Variants in SMAD2 observed in about 807,000 individuals in gnomAD.
The protein encoded by SMAD2 is MAD homolog 2.
Under a neutral mutation model 64.4 loss-of-function variants are expected in SMAD2, and 8 were observed. The observed-to-expected ratio is 0.12, with a 90% CI of 0.07 to 0.22. The LOEUF (loss-of-function observed/expected upper bound fraction) is 0.22, where lower values mean the gene tolerates loss of function less well. Ranked by LOEUF, SMAD2 falls within the 10% of genes least tolerant of loss-of-function variation. The pLI is 1.00. For missense variants in SMAD2, 289 were observed against 561.2 expected (o/e 0.51, Z 4.90); for synonymous variants, 203 against 195.8 (o/e 1.04, Z -0.31).
At position 47,830,507 on chromosome 18, in the gene SMAD2, G is replaced by A. The variant is rs1912944827; in HGVS notation, c.*11320C>T. 1 of 150,500 alleles carries A rather than the reference G, an allele frequency of 6.6e-6. No individual in the cohort carries two copies. Among genetic ancestry groups the A allele is most frequent in the Non-Finnish European group, 1.5e-5 (1 of 67,744 alleles). The allele number at this position is 150,500 out of a possible 1,614,324, so 9.3% of individuals were successfully genotyped here. A position where few individuals can be genotyped will look rare whatever the true frequency, so the allele number is the denominator to read the frequency against. ...CAGGAGAATCACTTGAACCCAGGAGGCGAGGCTGCAGTGAGCCGAGATCGC... is the reference window on the plus strand; with the variant it reads ...CAGGAGAATCACTTGAACCCAGGAGACGAGGCTGCAGTGAGCCGAGATCGC... On this transcript the variant is annotated 3_prime_UTR_variant, in exon 11 of 11. Coordinates refer to ENST00000262160, the MANE Select transcript of SMAD2 (RefSeq NM_005901.6).
At chr18:47,930,751 TTCCGCCC>T (rs1385179243), upstream of SMAD2, 22 of 145,760 alleles carry the variant, frequency 1.5e-4, no homozygotes, top group African/African-American at 3.7e-4. Context: ...CCACCTCCGC[TTCCGCCC>T]TCCGCCCTCG....
intron 3 of SMAD2, 46 bp downstream of exon 3, chr18:47,870,429 C>T (rs774402416): frequency 1.0e-5 from 14 of 1,382,486 alleles, no homozygotes; most frequent in Non-Finnish European, 1.0e-5. Flanking sequence ...AAATATACCC[C>T]CCTCCCACAA....
chr18:47,858,180 AG>A (rs1310879320), intron 6 of SMAD2, among the ~76,000 whole-genome samples: 1 of 152,252 alleles, frequency 6.6e-6, no homozygotes, highest in Non-Finnish European at 1.5e-5. Flanking sequence ...CCCATAATCA[AG>A]AGATAAAACA....
chr18:47,893,641 C>T (rs1488479059), intron 2 of SMAD2, among the ~76,000 whole-genome samples: 8 of 152,172 alleles, frequency 5.3e-5, no homozygotes, highest in Non-Finnish European at 8.8e-5. Flanking sequence ...TTACACTCTA[C>T]ATATAAATGA....
intron 6 of SMAD2, among the ~76,000 whole-genome samples, chr18:47,857,179 T>C (rs2030777922): frequency 6.6e-6 from 1 of 152,214 alleles, no homozygotes; most frequent in Admixed American, 6.5e-5. Flanking sequence ...AAATGCTGTA[T>C]CATAATCTTA....
At position 47,831,915 on chromosome 18, in the gene SMAD2, C is replaced by T. The variant is rs575346927; in HGVS notation, c.*9912G>A. 2.3e-4 allele frequency: 23 copies of T among 100,120 alleles called. No homozygotes were observed. Among genetic ancestry groups the T allele is most frequent in the Non-Finnish European group, 4.2e-4 (20 of 47,712 alleles). The allele number at this position is 100,120 out of a possible 1,614,324, so 6.2% of individuals were successfully genotyped here. A position where few individuals can be genotyped will look rare whatever the true frequency, so the allele number is the denominator to read the frequency against. ...GTAAACTTATAATTTTTAGGTTGGG[C>T]TTACTATTTTGATGAGAAGGGTGAA... On this transcript the variant is annotated 3_prime_UTR_variant, in exon 11 of 11. Coordinates refer to ENST00000262160, the MANE Select transcript of SMAD2 (RefSeq NM_005901.6).
intron 2 of SMAD2, chr18:47,878,438 G>A (rs1487421192): frequency 6.6e-6 from 1 of 152,140 alleles, no homozygotes; most frequent in Non-Finnish European, 1.5e-5. Flanking sequence ...CAAACAGCCT[G>A]TGCAACAAAG....
At chr18:47,891,288 A>C (rs1242665027) in intron 2 of SMAD2, among the ~76,000 whole-genome samples, 4 of 152,210 alleles carry the variant, frequency 2.6e-5, no homozygotes, top group African/African-American at 9.7e-5. Flanking sequence ...CTGGGCAGTA[A>C]GAGCAAAACT....
chr18:47,914,730 A>T (rs2034270731), intron 1 of SMAD2, among the ~76,000 whole-genome samples: 1 of 152,222 alleles, frequency 6.6e-6, no homozygotes, highest in Admixed American at 6.5e-5. Context: ...CAATGTAAGA[A>T]AATATTAATT....
chr18:47,838,117 ATGTT>A lies in SMAD2; in HGVS notation c.*3706_*3709del, dbSNP rs375946894. On this transcript the variant is annotated 3_prime_UTR_variant, in exon 11 of 11. Coordinates refer to ENST00000262160, the MANE Select transcript of SMAD2 (RefSeq NM_005901.6). ...TTCAACTAGCAAGAGACTAAGACTGATGTTTGTTTGTTTGTTTTACCTTCAAAGT... is the reference window on the plus strand; with the variant it reads ...TTCAACTAGCAAGAGACTAAGACTGATGTTTGTTTGTTTTACCTTCAAAGT... The A allele has an allele frequency of 5.0e-3, 1,174 of 232,982 alleles. 3 individuals are homozygous for A. The highest frequency in any genetic ancestry group is 6.9e-3 in the Non-Finnish European group (813 of 117,626). The allele number at this position is 232,982 out of a possible 1,614,324, so 14.4% of individuals were successfully genotyped here. A position where few individuals can be genotyped will look rare whatever the true frequency, so the allele number is the denominator to read the frequency against.
chr18:47,869,530 TAAAGA>T (rs2031804493), intron 3 of SMAD2, 94 bp from the exon 4 acceptor site: 3 of 856,034 alleles, frequency 3.5e-6, no homozygotes, highest in Admixed American at 2.5e-5. Context: ...AATAAAAGCA[TAAAGA>T]AAAGAATGAC....
At chr18:47,896,369 G>A in intron 2 of SMAD2, 152 bp downstream of exon 2, 3 of 751,724 alleles carry the variant, frequency 4.0e-6, no homozygotes, top group South Asian at 1.7e-5. Flanking sequence ...TATAAAACAA[G>A]TCAGCTAGCA....
At chr18:47,918,204 G>A in intron 1 of SMAD2, among the ~76,000 whole-genome samples, 1 of 152,130 alleles carries the variant, frequency 6.6e-6, no homozygotes, top group Admixed American at 6.5e-5. Flanking sequence ...TCTGCAAAGG[G>A]GAAAACAAAA....
chr18:47,842,042 CAG>C, intron 10 of SMAD2, 92 bp from the exon 11 acceptor site: 1 of 1,398,864 alleles, frequency 7.1e-7, no homozygotes, highest in Middle Eastern at 2.1e-4. Context: ...TAAAAATTTA[CAG>C]AAATTAAAAG....
intron 2 of SMAD2, among the ~76,000 whole-genome samples, chr18:47,884,455 G>GC (rs2032778449): frequency 3.9e-5 from 6 of 151,988 alleles, no homozygotes; most frequent in Non-Finnish European, 8.8e-5. Flanking sequence ...ACATTATTCC[G>GC]CCCCATATAT....
intron 8 of SMAD2, among the ~76,000 whole-genome samples, chr18:47,847,162 A>G (rs141641221): frequency 2.6e-5 from 4 of 152,296 alleles, no homozygotes; most frequent in African/African-American, 9.6e-5. Context: ...CAGAACCCCA[A>G]TTAAGTCACA....
In SMAD2 at chr18:47,828,714, A is replaced by G. The variant is rs1358218973; in HGVS notation, c.*13113T>C. ...AGGGCGGTGCAAGATGTGCTTTGTT[A>G]AACAGATGCTTGAAGGCAGCATGCT... On this transcript the variant is annotated 3_prime_UTR_variant, in exon 11 of 11. Transcript: ENST00000262160. The G allele has an allele frequency of 1.2e-5, 2 of 167,612 alleles. No homozygotes were observed. Among genetic ancestry groups the G allele is most frequent in the African/African-American group, 4.8e-5 (2 of 41,492 alleles). The allele number at this position is 167,612 out of a possible 1,614,324, so 10.4% of individuals were successfully genotyped here. A position where few individuals can be genotyped will look rare whatever the true frequency, so the allele number is the denominator to read the frequency against.
At chr18:47,898,182 GAGA>G (rs1442094422) in intron 1 of SMAD2, among the ~76,000 whole-genome samples, 1 of 152,194 alleles carries the variant, frequency 6.6e-6, no homozygotes, top group African/African-American at 2.4e-5. Flanking sequence ...CCTACTGCTG[GAGA>G]AGATGTGAAG....
intron 6 of SMAD2, among the ~76,000 whole-genome samples, chr18:47,855,843 C>T (rs543133934): frequency 3.9e-4 from 59 of 152,216 alleles, no homozygotes; most frequent in African/African-American, 1.3e-3. Context: ...CCCATCTCTC[C>T]TGGCCTGCAA....
Sources: allele counts gnomAD v4.1 joint callset (sites outside exome capture counted in the v4.1 genomes callset), GRCh38; gene constraint gnomAD v4.1.1; transcripts MANE v1.5; gene names NCBI Gene and HGNC (gene_info 2026-07-23, HGNC 2026-07-21).